Variants in PCYT1A observed in about 807,000 individuals in gnomAD.
The protein encoded by PCYT1A is phosphate cytidylyltransferase 1A, choline.
A neutral mutation model predicts 43.7 loss-of-function variants in PCYT1A; 25 were observed. That is an observed-to-expected ratio of 0.57 (90% CI 0.42 to 0.80). The LOEUF (loss-of-function observed/expected upper bound fraction) is 0.80. PCYT1A is among the 30% of genes least tolerant of loss of function. The pLI is 0.00. For missense variants in PCYT1A, 421 were observed against 474.2 expected, an observed-to-expected ratio of 0.89 and a Z score of 1.04; for synonymous variants, 172 against 170.7, an observed-to-expected ratio of 1.01 and a Z score of -0.06.
chr3:196,287,221 C>T (rs1725938886), intron 1 of PCYT1A: 2 of 152,560 alleles, frequency 1.3e-5, no homozygotes, highest in African/African-American at 2.4e-5. Flanking sequence ...CCAAGTCAGC[C>T]CCTCGAAGTC....
At chr3:196,260,658 A>G (rs1008619602) in intron 2 of PCYT1A, among the ~76,000 whole-genome samples, 2 of 152,170 alleles carry the variant, frequency 1.3e-5, no homozygotes, top group East Asian at 1.9e-4. Context: ...CCTGGCCAGC[A>G]TGGTAAAATC....
rs1724398467 is a variant in PCYT1A, at chr3:196,242,833, A to G, written c.487-193T>C. ...CAACCTAATGATTTATGGAGTATAC[A>G]TATGAAGTTAGCCAGCTGCTTTTGT... On this transcript the variant is annotated intron_variant, in intron 5 of 8. Coordinates refer to ENST00000431016, the MANE Select transcript of PCYT1A (RefSeq NM_001312673.2). This position sits in a 1 kb window ranked among gnomAD's most constrained non-coding sequence, Gnocchi z 4.2. 3.3e-6 allele frequency: 2 copies of G among 604,064 alleles called. No individual in the cohort carries two copies. The highest frequency in any genetic ancestry group is 4.0e-5 in the South Asian group (2 of 49,944). The allele number at this position is 604,064 out of a possible 1,614,324, so 37.4% of individuals were successfully genotyped here.
At position 196,247,843 on chromosome 3, in the gene PCYT1A, C is replaced by T. The variant is rs1577358340; in HGVS notation, c.335-325G>A. On this transcript the variant is annotated intron_variant, in intron 4 of 8. Transcript: ENST00000431016. This position sits in a 1 kb window ranked among gnomAD's most constrained non-coding sequence, Gnocchi z 4.8. ...CTTAAACATGTTTTCCTGTTTTATT[C>T]ACACTGGACTGGACCACCTAACATT... 2 of 514,306 alleles carry T rather than the reference C, an allele frequency of 3.9e-6. No individual in the cohort carries two copies. The highest frequency in any genetic ancestry group is 7.1e-6 in the Non-Finnish European group (2 of 279,856). The allele number at this position is 514,306 out of a possible 1,614,324, so 31.9% of individuals were successfully genotyped here.
At position 196,234,560 on chromosome 3, in the gene PCYT1A, G is replaced by C. The variant is rs892060867; in HGVS notation, c.*4128C>G. ...CTTTCCAAGACTCTTTTGTCTTTTA[G>C]GGATCCTCAATACAAAACAACCCAA... is the stretch of plus-strand genomic sequence containing the variant. On this transcript the variant is annotated 3_prime_UTR_variant, in exon 9 of 9. Transcript: ENST00000431016. 2 of 152,144 alleles carry C rather than the reference G, an allele frequency of 1.3e-5. No individual in the cohort carries two copies. Among genetic ancestry groups the C allele is most frequent in the Non-Finnish European group, 2.9e-5 (2 of 68,048 alleles). 9.4% of individuals were successfully genotyped at this position (152,144 alleles called of 1,614,324 possible). A position where few individuals can be genotyped will look rare whatever the true frequency, so the allele number is the denominator to read the frequency against.
At chr3:196,250,351 G>GCC (rs1275956839) in intron 3 of PCYT1A, among the ~76,000 whole-genome samples, 2 of 151,282 alleles carry the variant, frequency 1.3e-5, no homozygotes, top group Non-Finnish European at 2.9e-5. Flanking sequence ...GATACACTAT[G>GCC]CTGAGGCTGA....
intron 1 of PCYT1A, chr3:196,283,513 C>T (rs1725826437): frequency 6.6e-6 from 1 of 152,030 alleles, no homozygotes; most frequent in African/African-American, 2.4e-5. Context: ...TTCTTTTTAT[C>T]TTCTGAGGTG....
In PCYT1A at chr3:196,256,900, A is replaced by C. The variant is rs557098341; in HGVS notation, c.217+888T>G. Among the ~76,000 whole-genome samples, 30 of 152,296 alleles carry C rather than the reference A, an allele frequency of 2.0e-4. No individual in the cohort carries two copies. The South Asian group carries it at 6.2e-3, about 32-fold the overall frequency. ...CTACAGAGAGCAAACATACCAACACAATTAAGAAGTAACCACAAATATACT... is the reference window on the plus strand; with the variant it reads ...CTACAGAGAGCAAACATACCAACACCATTAAGAAGTAACCACAAATATACT... On this transcript the variant is annotated intron_variant, in intron 3 of 8. Transcript: ENST00000431016.
intron 2 of PCYT1A, among the ~76,000 whole-genome samples, chr3:196,262,588 T>G (rs1409995493): frequency 6.6e-6 from 1 of 152,176 alleles, no homozygotes; most frequent in African/African-American, 2.4e-5. Flanking sequence ...AAATTATGAA[T>G]TGTCTCTGAA....
At chr3:196,241,147 A>C (rs995928592) in intron 7 of PCYT1A, among the ~76,000 whole-genome samples, 11 of 147,072 alleles carry the variant, frequency 7.5e-5, no homozygotes, top group Non-Finnish European at 1.0e-4. Context: ...AAAAAAAAAA[A>C]AAAAAAAAAA....
At position 196,239,552 on chromosome 3, in the gene PCYT1A, C is replaced by T; in HGVS notation, c.892G>A (p.Ala298Thr). The change falls in exon 8 of 9, where the codon GCA becomes ACA. Residue 298 changes from alanine (A) to threonine (T), a missense_variant. Ala to Thr is a moderately conservative substitution (Grantham distance 58). Coordinates refer to ENST00000431016, the MANE Select transcript of PCYT1A (RefSeq NM_001312673.2). ...SFLEMFGPEG[A>T]LKHMLKEGKG... ...TCCAGTGGGAAAGAACATACCAGTG[C>T]TCCTTCCGGACCAAACATTTCCAGA... is the stretch of plus-strand genomic sequence containing the variant. 2 of 1,598,486 alleles carry T rather than the reference C, an allele frequency of 1.3e-6. No homozygotes were observed. The highest frequency in any genetic ancestry group is 1.7e-6 in the Non-Finnish European group (2 of 1,165,876).
chr3:196,262,235 G>T (rs1264528136), intron 2 of PCYT1A, among the ~76,000 whole-genome samples: 1 of 152,134 alleles, frequency 6.6e-6, no homozygotes, highest in Non-Finnish European at 1.5e-5. Flanking sequence ...GGAAAATTTA[G>T]ATCTAAATCC....
At chr3:196,243,556 T>C (rs2108763473) in intron 5 of PCYT1A, among the ~76,000 whole-genome samples, 1 of 150,032 alleles carries the variant, frequency 6.7e-6, no homozygotes, top group South Asian at 2.1e-4. Flanking sequence ...CCTCTCCCTC[T>C]CTTTCTATGG....
intron 5 of PCYT1A, among the ~76,000 whole-genome samples, chr3:196,244,161 T>G (rs1312906333): frequency 6.9e-6 from 1 of 144,780 alleles, no homozygotes; most frequent in Non-Finnish European, 1.5e-5. Flanking sequence ...GTCTGGGAAC[T>G]GAGGAGTGTC....
Position 196,242,308 on chromosome 3 carries a change from AAT to A in PCYT1A, c.566-220_566-219del. 1.5e-6 allele frequency: 1 copy of A among 645,562 alleles called. No individual in the cohort carries two copies. Among genetic ancestry groups the A allele is most frequent in the Non-Finnish European group, 2.8e-6 (1 of 362,912 alleles). The allele number at this position is 645,562 out of a possible 1,614,324, so 40.0% of individuals were successfully genotyped here. A position where few individuals can be genotyped will look rare whatever the true frequency, so the allele number is the denominator to read the frequency against. ...GTTACATAGCCCTAATATTAAGAAA[AAT>A]ATGAGAAAGGGTTTCCTGAAATTAA... On this transcript the variant is annotated intron_variant, in intron 6 of 8. Transcript: ENST00000431016. This position sits in a 1 kb window ranked among gnomAD's most constrained non-coding sequence, Gnocchi z 4.2.
intron 2 of PCYT1A, among the ~76,000 whole-genome samples, chr3:196,264,912 C>T (rs2108775230): frequency 6.6e-6 from 1 of 150,938 alleles, no homozygotes; most frequent in South Asian, 2.1e-4. Flanking sequence ...GTTCTCGAAA[C>T]ATTTTGGTTG....
chr3:196,266,213 C>T (rs1392203095), intron 2 of PCYT1A, among the ~76,000 whole-genome samples: 2 of 151,994 alleles, frequency 1.3e-5, no homozygotes, highest in African/African-American at 4.8e-5. Context: ...TAGCTCACGC[C>T]TGTAATCCCA....
intron 1 of PCYT1A, among the ~76,000 whole-genome samples, chr3:196,274,893 A>AT (rs1461465034): frequency 2.0e-5 from 3 of 152,198 alleles, no homozygotes; most frequent in Non-Finnish European, 4.4e-5. Context: ...GCAAATTAAA[A>AT]TGGAAGAAGG....
At chr3:196,269,960 G>A (rs189785077) in intron 2 of PCYT1A, among the ~76,000 whole-genome samples, 107 of 152,112 alleles carry the variant, frequency 7.0e-4, no homozygotes, top group African/African-American at 2.4e-3. Context: ...CGCATCCTCC[G>A]CCTCCCGAGT....
At chr3:196,267,751 T>C (rs1366732420) in intron 2 of PCYT1A, among the ~76,000 whole-genome samples, 1 of 151,824 alleles carries the variant, frequency 6.6e-6, no homozygotes, top group Non-Finnish European at 1.5e-5. Context: ...AAATTGGTCA[T>C]GGTGATGGTT....
Sources: gnomAD v4.1 joint callset for allele counts (sites outside exome capture counted in the v4.1 genomes callset) on GRCh38, gnomAD v4.1.1 for gene constraint, Gnocchi (gnomAD v3.1) non-coding constraint, MANE v1.5 for transcripts, NCBI Gene and HGNC (gene_info 2026-07-23, HGNC 2026-07-21) for gene names.